MCM10: variants seen among roughly 807,000 people sequenced by gnomAD.
MCM10 encodes protein MCM10 homolog.
In MCM10, 91 loss-of-function variants were observed where a neutral mutation model predicts 109.9. That is an observed-to-expected ratio of 0.83 (90% confidence interval 0.70 to 0.99). MCM10 has a LOEUF of 0.99. Among genes scored for constraint, MCM10 ranks in the 50% least tolerant of loss-of-function variants. The probability of loss-of-function intolerance (pLI) is 0.00; values close to 1 mark genes in which losing one functional copy is unlikely to be tolerated. For synonymous variants in MCM10, 380 were observed against 387.2 expected, an observed-to-expected ratio of 0.98 and a Z score of 0.22; for missense variants, 1,077 against 1,061.2, an observed-to-expected ratio of 1.01 and a Z score of -0.21.
At chr10:13,175,460 T>C in intron 5 of MCM10, 50 bp from the exon 6 acceptor site, 2 of 1,498,240 alleles carry the variant, frequency 1.3e-6, no homozygotes, top group Non-Finnish European at 1.9e-6. Flanking sequence ...CAAATTCCGT[T>C]CGTGATTATC....
chr10:13,199,663 A>G (rs897149257), intron 16 of MCM10, among the ~76,000 whole-genome samples: 1 of 152,354 alleles, frequency 6.6e-6, no homozygotes, highest in East Asian at 1.9e-4. Flanking sequence ...AAATGAAAAG[A>G]TTTGTGATAA....
Position 13,172,778 on chromosome 10 carries a change from C to A in MCM10, c.592+13C>A, listed in dbSNP as rs138922800. On this transcript the variant is annotated intron_variant, in intron 5 of 19. Coordinates refer to ENST00000378714, the MANE Select transcript of MCM10 (RefSeq NM_018518.5). The surrounding 1 kb of genome is among the most constrained non-coding windows in gnomAD (Gnocchi z 5.2). ...GCTTCACCTCCAGGTGTAGTACTTGCGGTCTCAGTATCTTGGCACTATTGT... is the reference window on the plus strand; with the variant it reads ...GCTTCACCTCCAGGTGTAGTACTTGAGGTCTCAGTATCTTGGCACTATTGT... The A allele has an allele frequency of 8.3e-5, 134 of 1,613,248 alleles. No homozygotes were observed. The highest frequency in any genetic ancestry group is 1.1e-4 in the Non-Finnish European group (131 of 1,179,758).
Position 13,182,874 on chromosome 10 carries a change from A to G in MCM10, c.931-59A>G. ...TTTTCCATAGTAAAACTCTTGAATC[A>G]TAAATGAGGACGGCATAACCTACAG... On this transcript the variant is annotated intron_variant, in intron 7 of 19. Transcript: ENST00000378714. This position sits in a 1 kb window ranked among gnomAD's most constrained non-coding sequence, Gnocchi z 4.2. 7.3e-7 allele frequency: 1 copy of G among 1,370,650 alleles called. No individual in the cohort carries two copies. Among genetic ancestry groups the G allele is most frequent in the Non-Finnish European group, 1.0e-6 (1 of 991,864 alleles). 84.9% of individuals were successfully genotyped at this position (1,370,650 alleles called of 1,614,324 possible). A position where few individuals can be genotyped will look rare whatever the true frequency, so the allele number is the denominator to read the frequency against.
chr10:13,172,839 T>G lies in MCM10; in HGVS notation c.592+74T>G, dbSNP rs1164233755. 3.5e-6 allele frequency: 5 copies of G among 1,441,368 alleles called. No homozygotes were observed. The highest frequency in any genetic ancestry group is 1.4e-5 in the African/African-American group (1 of 70,566). 89.3% of individuals were successfully genotyped at this position (1,441,368 alleles called of 1,614,324 possible). ...GTGTGTGGGGGTGTTCATGTGTGTG[T>G]GGGTGTCTGTGTCTTTTGGTCTGTC... On this transcript the variant is annotated intron_variant, in intron 5 of 19. Coordinates refer to ENST00000378714, the MANE Select transcript of MCM10 (RefSeq NM_018518.5). This position sits in a 1 kb window ranked among gnomAD's most constrained non-coding sequence, Gnocchi z 5.2.
Position 13,210,146 on chromosome 10 carries a change from C to G in MCM10, c.*836C>G, listed in dbSNP as rs901955473. 1.3e-5 allele frequency: 2 copies of G among 151,828 alleles called. No individual in the cohort carries two copies. Among genetic ancestry groups the G allele is most frequent in the African/African-American group, 4.8e-5 (2 of 41,324 alleles). The allele number at this position is 151,828 out of a possible 1,614,324, so 9.4% of individuals were successfully genotyped here. A position where few individuals can be genotyped will look rare whatever the true frequency, so the allele number is the denominator to read the frequency against. ...GCGGCACACTGCAGCCTTGGCTTCC[C>G]TGGGCTCAAGCAGTCCTCCCACCTC... On this transcript the variant is annotated 3_prime_UTR_variant, in exon 20 of 20. Transcript: ENST00000378714.
rs558495502 is a variant in MCM10 at position 13,192,490 on chromosome 10, C to T, written c.1667C>T (p.Ser556Leu). The stretch of plus-strand genomic sequence containing the variant: ...CCAAAACCAGCCATCAAGTCCATCT[C>T]GGCCTCAGCACTCTTGAAGCAACAG... ...GSPKPAIKSI[S>L]ASALLKQQKQ... is the part of the protein sequence containing the mutation. The change falls in exon 13 of 20, where the codon TCG (serine) becomes TTG (leucine). Residue 556 changes from serine (S) to leucine (L), a missense_variant. Coordinates refer to ENST00000378714, the MANE Select transcript of MCM10 (RefSeq NM_018518.5). 1.1e-5 allele frequency: 18 copies of T among 1,614,170 alleles called. No homozygotes were observed. Among genetic ancestry groups the T allele is most frequent in the East Asian group, 4.5e-5 (2 of 44,878 alleles).
intron 13 of MCM10, among the ~76,000 whole-genome samples, chr10:13,193,325 G>C (rs1834373776): frequency 6.6e-6 from 1 of 151,958 alleles, no homozygotes; most frequent in Admixed American, 6.6e-5. Flanking sequence ...AAATCAAGTG[G>C]AAATGCATAG....
intron 16 of MCM10, among the ~76,000 whole-genome samples, chr10:13,200,942 T>A (rs1380119632): frequency 6.6e-6 from 1 of 152,154 alleles, no homozygotes; most frequent in Non-Finnish European, 1.5e-5. Flanking sequence ...GTCAGGTGTT[T>A]GAGACCAGCC....
chr10:13,184,573 T>C (rs1834250642), intron 8 of MCM10, among the ~76,000 whole-genome samples: 1 of 152,200 alleles, frequency 6.6e-6, no homozygotes, highest in Non-Finnish European at 1.5e-5. Context: ...GTGAGAAAAA[T>C]GTTATCTCAT....
chr10:13,192,213 T>C (rs1834356339), intron 11 of MCM10, 42 bp from the exon 12 acceptor site: 1 of 1,356,900 alleles, frequency 7.4e-7, no homozygotes, highest in African/African-American at 1.4e-5. Flanking sequence ...CCTCAAACCA[T>C]CTGAATGTGA....
chr10:13,190,002 A>G (rs972637858), intron 10 of MCM10, among the ~76,000 whole-genome samples: 4 of 152,246 alleles, frequency 2.6e-5, no homozygotes, highest in African/African-American at 9.6e-5. Context: ...AAAATCTCTT[A>G]ATGTTTTAAG....
At chr10:13,203,966 CAG>C (rs1379222017) in intron 17 of MCM10, among the ~76,000 whole-genome samples, 2 of 152,152 alleles carry the variant, frequency 1.3e-5, no homozygotes, top group African/African-American at 2.4e-5. Context: ...TACACAATAA[CAG>C]AAAGTTATTG....
intron 18 of MCM10, among the ~76,000 whole-genome samples, chr10:13,205,002 GTATATATATA>G (rs576376587): frequency 7.4e-3 from 49 of 6,662 alleles, no homozygotes; most frequent in Non-Finnish European, 0.012. Context: ...ATGTATGTAT[GTATATATATA>G]TATATATATA....
chr10:13,175,800 C>A, intron 6 of MCM10, 119 bp downstream of exon 6: 1 of 675,752 alleles, frequency 1.5e-6, no homozygotes, highest in Non-Finnish European at 2.5e-6. Flanking sequence ...AGCTCTTGAA[C>A]TGGACAAAAC....
Position 13,198,804 on chromosome 10 carries a change from A to G in MCM10, c.2235A>G (p.Lys745=), listed in dbSNP as rs1834458421. 6.2e-7 allele frequency: 1 copy of G among 1,605,226 alleles called. No individual in the cohort carries two copies. The highest frequency in any genetic ancestry group is 8.5e-7 in the Non-Finnish European group (1 of 1,173,648). The part of the protein sequence containing the change: ...KAKSKHTGIL[K]EAEAEMQERY... ...AATCAAAACACACAGGCATCCTGAA[A>G]GAGGTAAGAGCCCAAAAGCTCAAGG... Residue 745 remains lysine, a synonymous_variant, in exon 16 of 20, where the codon AAA becomes AAG. Transcript: ENST00000378714.
rs2277221 is a variant in MCM10, at chr10:13,204,284, T to G, written c.2418T>G (p.His806Gln). ...GTGAGCAGCATGAATACCACTGGCA[T>G]GATGGTGTGAAGAGGTTTTTCAAAT... is the stretch of plus-strand genomic sequence containing the variant. ...CVSEQHEYHW[H>Q]DGVKRFFKCP... Residue 806 changes from histidine to glutamine, a missense_variant, in exon 18 of 20, where the codon CAT (histidine) becomes CAG (glutamine). By Grantham distance (24) the His-to-Gln change is conservative. Transcript: ENST00000378714. 3.7e-6 allele frequency: 6 copies of G among 1,614,144 alleles called. No individual in the cohort carries two copies. In the East Asian group the frequency reaches 1.1e-4, roughly 30 times the overall value.
At chr10:13,165,738 G>A (rs1215270143) in intron 2 of MCM10, among the ~76,000 whole-genome samples, 2 of 151,996 alleles carry the variant, frequency 1.3e-5, no homozygotes, top group Non-Finnish European at 2.9e-5. Context: ...AACCTGGTGT[G>A]GTGGCATGTG....
rs1190767722 is a variant in MCM10, at chr10:13,209,352, G to A, written c.*42G>A. 6.7e-7 allele frequency: 1 copy of A among 1,486,402 alleles called. No homozygotes were observed. Among genetic ancestry groups the A allele is most frequent in the Admixed American group, 1.7e-5 (1 of 59,618 alleles). 92.1% of individuals were successfully genotyped at this position (1,486,402 alleles called of 1,614,324 possible). ...TTTCCCACAGACTTCCTGGCCTCCT[G>A]TGACTCTGGAAAGCAAAGGATTGGC... On this transcript the variant is annotated 3_prime_UTR_variant, in exon 20 of 20. Coordinates refer to ENST00000378714, the MANE Select transcript of MCM10 (RefSeq NM_018518.5).
chr10:13,185,877 C>A (rs1834268096), intron 8 of MCM10, among the ~76,000 whole-genome samples: 1 of 152,188 alleles, frequency 6.6e-6, no homozygotes, highest in African/African-American at 2.4e-5. Context: ...CCTCCCACTT[C>A]AGCCCCCCAA....
Sources: allele counts gnomAD v4.1 joint callset (sites outside exome capture counted in the v4.1 genomes callset), GRCh38; gene constraint gnomAD v4.1.1; non-coding constraint Gnocchi (gnomAD v3.1); transcripts MANE v1.5; gene names NCBI Gene and HGNC (gene_info 2026-07-23, HGNC 2026-07-21).